Variants in ENTHD1 observed in about 807,000 individuals in gnomAD.
The protein encoded by ENTHD1 is ENTH domain containing 1.
ENTHD1 carries 23 observed loss-of-function variants against 39.1 expected under a neutral mutation model. That is an observed-to-expected ratio of 0.59 (90% confidence interval 0.42 to 0.83). The LOEUF (loss-of-function observed/expected upper bound fraction) is 0.83, where lower values mean the gene tolerates loss of function less well. ENTHD1 is among the 40% of genes least tolerant of loss of function. ENTHD1 has a pLI of 0.00. For missense variants in ENTHD1, 624 were observed against 705.4 expected (o/e 0.88, Z 1.31); for synonymous variants, 230 against 258.2 (o/e 0.89, Z 1.05).
At chr22:39,805,485 A>T (rs1183840938) in intron 5 of ENTHD1, among the ~76,000 whole-genome samples, 5 of 152,220 alleles carry the variant, frequency 3.3e-5, no homozygotes, top group Admixed American at 6.5e-5. Context: ...TGCATGGCTT[A>T]ACTGTGCTAA....
chr22:39,800,208 C>T (rs1419538987), intron 5 of ENTHD1, among the ~76,000 whole-genome samples: 2 of 152,244 alleles, frequency 1.3e-5, no homozygotes, highest in East Asian at 1.9e-4. Context: ...CCAGCCAATC[C>T]TGGCCAAGCT....
intron 6 of ENTHD1, among the ~76,000 whole-genome samples, chr22:39,748,448 G>A (rs1201657721): frequency 6.6e-6 from 1 of 151,086 alleles, no homozygotes; most frequent in African/African-American, 2.4e-5. Flanking sequence ...TTGAGACGGA[G>A]TCTCGCTCTG....
At chr22:39,749,269 A>C (rs2065130333) in intron 6 of ENTHD1, among the ~76,000 whole-genome samples, 1 of 152,172 alleles carries the variant, frequency 6.6e-6, no homozygotes, top group Non-Finnish European at 1.5e-5. Context: ...TAACATTCAC[A>C]CAGTCTACTC....
intron 5 of ENTHD1, among the ~76,000 whole-genome samples, chr22:39,803,485 C>A (rs1274558802): frequency 6.6e-6 from 1 of 152,102 alleles, no homozygotes; most frequent in Admixed American, 6.5e-5. Context: ...TCTATCTTCA[C>A]CAGAACAGAA....
chr22:39,822,696 T>G (rs930781224), intron 4 of ENTHD1, among the ~76,000 whole-genome samples: 1 of 152,224 alleles, frequency 6.6e-6, no homozygotes, highest in Non-Finnish European at 1.5e-5. Context: ...ATAAATCTTT[T>G]TGTGGACAAA....
chr22:39,862,560 A>AG (rs2066150962), intron 2 of ENTHD1, among the ~76,000 whole-genome samples: 1 of 150,992 alleles, frequency 6.6e-6, no homozygotes. Flanking sequence ...AAAAAAAAAA[A>AG]AAAGAAAGAA....
At chr22:39,882,795 G>C (rs1254980745) in intron 2 of ENTHD1, among the ~76,000 whole-genome samples, 1 of 151,950 alleles carries the variant, frequency 6.6e-6, no homozygotes, top group Non-Finnish European at 1.5e-5. Context: ...ACTAGGTCAG[G>C]AGTTCAAGAC....
chr22:39,744,219 G>A lies in ENTHD1; in HGVS notation c.1284C>T (p.Ala428=). ...AGAGATGAGCTGACTTCTCTGGAGA[G>A]GCTAAATCAGGAGATGACATGGATA... ...SPLSMSSPDL[A]SPEKSAHLLS... Residue 428 remains alanine, a synonymous_variant, in exon 7 of 7, where the codon GCC becomes GCT. Transcript: ENST00000325157. 6.2e-7 allele frequency: 1 copy of A among 1,613,834 alleles called. No individual in the cohort carries two copies. The highest frequency in any genetic ancestry group is 8.5e-7 in the Non-Finnish European group (1 of 1,179,902).
intron 5 of ENTHD1, among the ~76,000 whole-genome samples, chr22:39,778,551 G>A (rs2065383496): frequency 6.6e-6 from 1 of 152,088 alleles, no homozygotes; most frequent in African/African-American, 2.4e-5. Context: ...ATTATTTCTT[G>A]TGAAACATAA....
intron 4 of ENTHD1, among the ~76,000 whole-genome samples, chr22:39,834,083 C>T (rs1195137939): frequency 6.6e-6 from 1 of 151,872 alleles, no homozygotes; most frequent in Admixed American, 6.6e-5. Context: ...ATTGTTTAGG[C>T]AAAGAGTTCT....
chr22:39,744,396 T>C, intron 6 of ENTHD1, 113 bp from the exon 7 acceptor site: 1 of 972,198 alleles, frequency 1.0e-6, no homozygotes, highest in Non-Finnish European at 1.4e-6. Flanking sequence ...ATAAATAAAC[T>C]GCTTAGAATT....
At chr22:39,774,011 C>T (rs2065347883) in intron 5 of ENTHD1, among the ~76,000 whole-genome samples, 1 of 152,252 alleles carries the variant, frequency 6.6e-6, no homozygotes, top group East Asian at 1.9e-4. Context: ...AAGCATTCAG[C>T]GTTACGAGTG....
chr22:39,784,942 A>G (rs2065442609), intron 5 of ENTHD1, among the ~76,000 whole-genome samples: 1 of 152,206 alleles, frequency 6.6e-6, no homozygotes, highest in South Asian at 2.1e-4. Flanking sequence ...AAATGGTTCT[A>G]GCATAAAGAC....
rs535707151 is a variant in ENTHD1 at position 39,861,390 on chromosome 22, A to C, written c.592+375T>G. On this transcript the variant is annotated intron_variant, in intron 3 of 6. Transcript: ENST00000325157. Reference sequence around the variant, plus strand: ...CCCTGTCTCTACTAAAAATACAAAAATTAGCTGGGCATGGTGATGGGTGCC... The same window carrying C: ...CCCTGTCTCTACTAAAAATACAAAACTTAGCTGGGCATGGTGATGGGTGCC... Among the ~76,000 whole-genome samples the C allele has an allele frequency of 6.2e-4, 95 of 152,210 alleles. 1 individual carries two copies. Among genetic ancestry groups the C allele is most frequent in the African/African-American group, 2.2e-3 (90 of 41,534 alleles).
At position 39,743,109 on chromosome 22, in the gene ENTHD1, T is replaced by C. The variant is rs1394775012; in HGVS notation, c.*570A>G. On this transcript the variant is annotated 3_prime_UTR_variant, in exon 7 of 7. Transcript: ENST00000325157. ...ATGCATTTGAATTCACCTTGCAATA[T>C]ACATTGACAGTAAAAACATTTGCCC... 1 of 152,242 alleles carries C rather than the reference T, an allele frequency of 6.6e-6. No homozygotes were observed. Among genetic ancestry groups the C allele is most frequent in the East Asian group, 1.9e-4 (1 of 5,204 alleles). The allele number at this position is 152,242 out of a possible 1,614,324, so 9.4% of individuals were successfully genotyped here. A position where few individuals can be genotyped will look rare whatever the true frequency, so the allele number is the denominator to read the frequency against.
chr22:39,851,475 G>A (rs1006346528), intron 3 of ENTHD1, among the ~76,000 whole-genome samples: 18 of 152,072 alleles, frequency 1.2e-4, no homozygotes, highest in African/African-American at 4.1e-4. Flanking sequence ...CACTCTTTGG[G>A]GGATTAAGTA....
At chr22:39,870,173 G>C (rs1270875655) in intron 2 of ENTHD1, among the ~76,000 whole-genome samples, 1 of 151,740 alleles carries the variant, frequency 6.6e-6, no homozygotes, top group African/African-American at 2.4e-5. Context: ...GACACCACCA[G>C]GCCTGGCTAA....
At chr22:39,828,432 C>A (rs897477424) in intron 4 of ENTHD1, among the ~76,000 whole-genome samples, 9 of 152,290 alleles carry the variant, frequency 5.9e-5, no homozygotes, top group Middle Eastern at 3.4e-3. Context: ...ATTTCCATTT[C>A]TCTAACAACT....
rs183289124 is a variant in ENTHD1, at chr22:39,855,601, A to G, written c.592+6164T>C. Among the ~76,000 whole-genome samples, 859 of 151,960 alleles carry G rather than the reference A, an allele frequency of 5.7e-3. 5 individuals carry two copies. The highest frequency in any genetic ancestry group is 0.019 in the African/African-American group (806 of 41,422). ...ATATGTGACTTGTTAAAAAAAAAAA[A>G]AAGAAGAAAGAAAAAAAAGGGAAGA... On this transcript the variant is annotated intron_variant, in intron 3 of 6. Coordinates refer to ENST00000325157, the MANE Select transcript of ENTHD1 (RefSeq NM_152512.4).
Sources: allele counts gnomAD v4.1 joint callset (sites outside exome capture counted in the v4.1 genomes callset), GRCh38; gene constraint gnomAD v4.1.1; transcripts MANE v1.5; gene names NCBI Gene and HGNC (gene_info 2026-07-23, HGNC 2026-07-21).